ACVR1: variants seen among roughly 807,000 people sequenced by gnomAD.
ACVR1 encodes the protein activin A receptor type 1, also known as activin receptor type-1.
A neutral mutation model predicts 57.1 loss-of-function variants in ACVR1; 38 were observed. The observed-to-expected ratio is 0.67, with a 90% CI of 0.51 to 0.87. The LOEUF is 0.87. ACVR1 is among the 40% of genes least tolerant of loss of function. The pLI, the probability that ACVR1 is intolerant of heterozygous loss-of-function variation, is 0.00. For synonymous variants in ACVR1, 212 were observed against 228.1 expected, an observed-to-expected ratio of 0.93 and a Z score of 0.63; for missense variants, 463 against 638.2, an observed-to-expected ratio of 0.73 and a Z score of 2.96.
chr2:157,802,430 C>T (rs1269666887), intron 2 of ACVR1, among the ~76,000 whole-genome samples: 3 of 152,234 alleles, frequency 2.0e-5, no homozygotes, highest in South Asian at 2.1e-4. Context: ...AAGGTCAGAA[C>T]GGAGGTAAGG....
chr2:157,747,945 C>G (rs1444743975), intron 9 of ACVR1, among the ~76,000 whole-genome samples: 1 of 152,300 alleles, frequency 6.6e-6, no homozygotes, highest in African/African-American at 2.4e-5. Flanking sequence ...CCACAACATT[C>G]TGGGAACCAG....
intron 1 of ACVR1, among the ~76,000 whole-genome samples, chr2:157,829,073 T>C (rs1688495870): frequency 6.6e-6 from 1 of 152,168 alleles, no homozygotes; most frequent in Admixed American, 6.5e-5. Flanking sequence ...TGACTGAGGT[T>C]TGCTTTTAAT....
chr2:157,865,341 TCAC>T (rs1689876542), intron 1 of ACVR1, among the ~76,000 whole-genome samples: 1 of 152,210 alleles, frequency 6.6e-6, no homozygotes, highest in Non-Finnish European at 1.5e-5. Context: ...CCTCTCGTTA[TCAC>T]CACACCACAT....
chr2:157,805,671 A>C (rs1338010924), intron 2 of ACVR1, among the ~76,000 whole-genome samples: 1 of 152,114 alleles, frequency 6.6e-6, no homozygotes, highest in African/African-American at 2.4e-5. Context: ...GTCAAACCGC[A>C]AACCACCAGA....
intron 8 of ACVR1, among the ~76,000 whole-genome samples, chr2:157,762,570 T>C (rs1331438987): frequency 6.6e-6 from 1 of 152,144 alleles, no homozygotes; most frequent in East Asian, 1.9e-4. Context: ...ATTCTGAAGA[T>C]GGGAGAAGCT....
intron 1 of ACVR1, chr2:157,875,089 G>T (rs553928440): frequency 7.2e-5 from 11 of 152,346 alleles, no homozygotes; most frequent in African/African-American, 2.6e-4. Flanking sequence ...GAATCCAGCG[G>T]CCCCAGAGGC....
At chr2:157,816,579 AGAGT>A (rs1559073877) in intron 2 of ACVR1, among the ~76,000 whole-genome samples, 1 of 152,006 alleles carries the variant, frequency 6.6e-6, no homozygotes, top group Non-Finnish European at 1.5e-5. Context: ...CCTAGGCAAC[AGAGT>A]GAGACCCTGC....
rs758674120 is a variant in ACVR1 at position 157,770,441 on chromosome 2, G to C, written c.717C>G (p.Ser239=). Residue 239 remains serine, a synonymous_variant, in exon 7 of 11, where the codon TCC becomes TCG. Transcript: ENST00000434821. ...GENVAVKIFS[S]RDEKSWFRET... is the part of the protein sequence containing the mutation. The stretch of plus-strand genomic sequence containing the variant: ...CCCTGAACCATGACTTCTCATCACG[G>C]GAGGAGAAGATCTTCACGGCAACAT... 6 of 1,613,596 alleles carry C rather than the reference G, an allele frequency of 3.7e-6. No individual in the cohort carries two copies. In the Admixed American group the frequency reaches 8.3e-5, roughly 22 times the overall value.
At chr2:157,794,745 A>G (rs1010313977) in intron 3 of ACVR1, among the ~76,000 whole-genome samples, 7 of 152,174 alleles carry the variant, frequency 4.6e-5, no homozygotes, top group African/African-American at 1.7e-4. Flanking sequence ...CACTCATTAA[A>G]TATTACCTAT....
chr2:157,853,613 T>A (rs1012000691), intron 1 of ACVR1, among the ~76,000 whole-genome samples: 2 of 152,118 alleles, frequency 1.3e-5, no homozygotes, highest in African/African-American at 4.8e-5. Context: ...AAAATCCAAA[T>A]CTAATCTGAT....
chr2:157,791,375 CTCT>C (rs1312954064), intron 3 of ACVR1, among the ~76,000 whole-genome samples: 2 of 152,190 alleles, frequency 1.3e-5, no homozygotes, highest in Admixed American at 1.3e-4. Context: ...GTCCCACTGT[CTCT>C]TATTATCTTT....
At chr2:157,858,462 G>A (rs1047040505) in intron 1 of ACVR1, among the ~76,000 whole-genome samples, 12 of 151,948 alleles carry the variant, frequency 7.9e-5, no homozygotes, top group Admixed American at 2.6e-4. Context: ...TATATTAATT[G>A]TTTTTCTTCT....
At chr2:157,791,817 C>T (rs1460683692) in intron 3 of ACVR1, among the ~76,000 whole-genome samples, 1 of 152,076 alleles carries the variant, frequency 6.6e-6, no homozygotes, top group Non-Finnish European at 1.5e-5. Flanking sequence ...TAACCCTCTG[C>T]AAAACTGAAA....
chr2:157,774,677 T>C (rs1231843494), intron 5 of ACVR1, among the ~76,000 whole-genome samples: 3 of 152,342 alleles, frequency 2.0e-5, no homozygotes, highest in South Asian at 2.1e-4. Flanking sequence ...AAAAGTTTTA[T>C]TTCTTCGGAA....
At chr2:157,819,027 G>A (rs1361647603) in intron 1 of ACVR1, among the ~76,000 whole-genome samples, 2 of 121,922 alleles carry the variant, frequency 1.6e-5, no homozygotes, top group Non-Finnish European at 3.2e-5. Context: ...GCAGTGAGCC[G>A]AGATCCCGCC....
chr2:157,778,463 G>T, intron 4 of ACVR1, 121 bp from the exon 5 acceptor site: 1 of 817,854 alleles, frequency 1.2e-6, no homozygotes, highest in Non-Finnish European at 2.0e-6. Flanking sequence ...AACTCACGAA[G>T]TATTAAAACT....
rs62176709 is a variant in ACVR1, at chr2:157,758,219, T to C, written c.1264+2661A>G. 8.6e-3 allele frequency among the ~76,000 whole-genome samples: 1,305 copies of C among 151,882 alleles called. 20 individuals are homozygous for C. Among genetic ancestry groups the C allele is most frequent in the Non-Finnish European group, 0.012 (791 of 67,800 alleles). On this transcript the variant is annotated intron_variant, in intron 9 of 10. Transcript: ENST00000434821. ...ATAAAACAGACATTAAGCCAAAAACTGTAAAAAGAGACCACAAAAGGTCAG... is the reference window on the plus strand; with the variant it reads ...ATAAAACAGACATTAAGCCAAAAACCGTAAAAAGAGACCACAAAAGGTCAG...
chr2:157,760,670 G>A (rs1223303225), intron 9 of ACVR1, among the ~76,000 whole-genome samples: 1 of 152,088 alleles, frequency 6.6e-6, no homozygotes, highest in Non-Finnish European at 1.5e-5. Context: ...CAGAAATACT[G>A]GTTTTCAACC....
intron 1 of ACVR1, among the ~76,000 whole-genome samples, chr2:157,825,377 G>C (rs1688307992): frequency 6.6e-6 from 1 of 152,086 alleles, no homozygotes; most frequent in African/African-American, 2.4e-5. Flanking sequence ...TCCTGAGTGA[G>C]AAATGAGTTT....
Sources: allele counts gnomAD v4.1 joint callset (sites outside exome capture counted in the v4.1 genomes callset), GRCh38; gene constraint gnomAD v4.1.1; transcripts MANE v1.5; gene names NCBI Gene and HGNC (gene_info 2026-07-23, HGNC 2026-07-21).